SLC35E2B: variants seen among roughly 807,000 people sequenced by gnomAD.
SLC35E2B encodes the protein solute carrier family 35 member E2B.
SLC35E2B carries 18 observed loss-of-function variants against 32.4 expected under a neutral mutation model. That is an observed-to-expected ratio of 0.56 (90% CI 0.38 to 0.82). The LOEUF is 0.82. Ranked by LOEUF, SLC35E2B falls within the 40% of genes least tolerant of loss-of-function variation. The pLI is 0.00. For synonymous variants in SLC35E2B, 132 were observed against 209.1 expected, an observed-to-expected ratio of 0.63 and a Z score of 3.18; for missense variants, 263 against 469.5, an observed-to-expected ratio of 0.56 and a Z score of 4.06.
chr1:1,679,576 C>T (rs1643882047), intron 2 of SLC35E2B, among the ~76,000 whole-genome samples: 1 of 152,084 alleles, frequency 6.6e-6, no homozygotes, highest in East Asian at 1.9e-4. Flanking sequence ...CCTGGAATCC[C>T]AGCACTTTGG....
chr1:1,688,822 C>G (rs1168782341), intron 2 of SLC35E2B, among the ~76,000 whole-genome samples: 1 of 152,090 alleles, frequency 6.6e-6, no homozygotes, highest in Non-Finnish European at 1.5e-5. Flanking sequence ...ATGAGGACTT[C>G]TAGTTCAGTC....
In SLC35E2B at chr1:1,666,027, G is replaced by A. The variant is rs977976670; in HGVS notation, c.981-8C>T. The A allele has an allele frequency of 6.5e-7, 1 of 1,548,076 alleles. No individual in the cohort carries two copies. The highest frequency in any genetic ancestry group is 1.4e-5 in the African/African-American group (1 of 73,004). The stretch of plus-strand genomic sequence containing the variant: ...TTCACGGTGCTGGCGACGCTGCGGA[G>A]GCAAGGGGAGGCAGCAGGGGCGCTC... On this transcript the variant is annotated splice_polypyrimidine_tract_variant and splice_region_variant and intron_variant, in intron 9 of 9. Transcript: ENST00000617444.
rs141288956 is a variant in SLC35E2B at position 1,677,988 on chromosome 1, A to C, written c.-147-1142T>G. On this transcript the variant is annotated intron_variant, in intron 2 of 9. Coordinates refer to ENST00000617444, the MANE Select transcript of SLC35E2B (RefSeq NM_001290264.2). ...CCCACCTCCCCCAGGTCTCAATCCCAGCGCTCAGGCAGCCCGATTTCCTGT... is the reference window on the plus strand; with the variant it reads ...CCCACCTCCCCCAGGTCTCAATCCCCGCGCTCAGGCAGCCCGATTTCCTGT... Among the ~76,000 whole-genome samples, 43 of 149,622 alleles carry C rather than the reference A, an allele frequency of 2.9e-4. No homozygotes were observed. The East Asian group carries it at 7.1e-3, about 25-fold the overall frequency.
At chr1:1,671,268 AACCGTGTCTCCATGG>A in intron 6 of SLC35E2B, 1 of 360,136 alleles carries the variant, frequency 2.8e-6, no homozygotes, top group Non-Finnish European at 5.0e-6. Context: ...TTTGTCAGCT[AACCGTGTCTCCATGG>A]TTAGCATTTT....
rs1326469516 is a variant in SLC35E2B, at chr1:1,663,320, C to T, written c.*2462G>A. ...CTGGAAATTCCAAGGTGCTCAGAAC[C>T]AGGCGCCTGCACCTCTCCTTATGCC... is the stretch of plus-strand genomic sequence containing the variant. On this transcript the variant is annotated 3_prime_UTR_variant, in exon 10 of 10. Transcript: ENST00000617444. The T allele has an allele frequency of 1.0e-6, 1 of 980,618 alleles. No individual in the cohort carries two copies. The highest frequency in any genetic ancestry group is 4.7e-5 in the South Asian group (1 of 21,130). 60.7% of individuals were successfully genotyped at this position (980,618 alleles called of 1,614,324 possible). A position where few individuals can be genotyped will look rare whatever the true frequency, so the allele number is the denominator to read the frequency against.
chr1:1,677,676 C>T (rs1643865513), intron 2 of SLC35E2B, among the ~76,000 whole-genome samples: 2 of 151,060 alleles, frequency 1.3e-5, no homozygotes, highest in Admixed American at 6.6e-5. Context: ...TTAGTAGAGA[C>T]GGGTTTTCAC....
At chr1:1,669,576 G>A (rs72634825) in intron 8 of SLC35E2B, 88 bp downstream of exon 8, 310,668 of 1,360,980 alleles carry the variant, frequency 0.23, 38,380 homozygotes, top group Non-Finnish European at 0.26. Flanking sequence ...GCCAGCACAC[G>A]GCCTGGAAAC....
In SLC35E2B at chr1:1,665,539, A is replaced by C; in HGVS notation, c.*243T>G. ...GCCTCAGAGGCTGTTTTCACATTAC[A>C]CGGGGATGGGCTCGGCGGACACAGT... On this transcript the variant is annotated 3_prime_UTR_variant, in exon 10 of 10. Transcript: ENST00000617444. 1.6e-6 allele frequency: 1 copy of C among 628,286 alleles called. No homozygotes were observed. The highest frequency in any genetic ancestry group is 2.7e-6 in the Non-Finnish European group (1 of 369,244). The allele number at this position is 628,286 out of a possible 1,614,324, so 38.9% of individuals were successfully genotyped here.
rs1486825164 is a variant in SLC35E2B at position 1,675,472 on chromosome 1, C to G, written c.577G>C (p.Glu193Gln). 6.2e-7 allele frequency: 1 copy of G among 1,610,818 alleles called. No individual in the cohort carries two copies. Among genetic ancestry groups the G allele is most frequent in the Non-Finnish European group, 8.5e-7 (1 of 1,178,970 alleles). ...TVIMSRMILGEYTGLLVNLSL... is the reference protein window; with the variant it reads ...TVIMSRMILGQYTGLLVNLSL... ...GGCCCGGGGGCCTCACCTGTGTACT[C>G]CCCCAGAATCATCCGAGACATGATC... The change falls in exon 5 of 10, where the codon GAG becomes CAG. Residue 193 changes from glutamate to glutamine, a missense_variant. Coordinates refer to ENST00000617444, the MANE Select transcript of SLC35E2B (RefSeq NM_001290264.2).
intron 5 of SLC35E2B, chr1:1,671,876 C>T: frequency 3.0e-6 from 1 of 335,024 alleles, no homozygotes; most frequent in Non-Finnish European, 5.5e-6. Flanking sequence ...AGAGACTGAG[C>T]CCCAGCCATG....
rs1643491768 is a variant in SLC35E2B, at chr1:1,664,530, GT to G, written c.*1251del. ...GAATCCGCCAGCTGCGAGATTGGGGGTAAAGAGCTCAGACATGGTCAGAAGC... is the reference window on the plus strand; with the variant it reads ...GAATCCGCCAGCTGCGAGATTGGGGGAAAGAGCTCAGACATGGTCAGAAGC... On this transcript the variant is annotated 3_prime_UTR_variant, in exon 10 of 10. Transcript: ENST00000617444. 1 of 914,492 alleles carries G rather than the reference GT, an allele frequency of 1.1e-6. No homozygotes were observed. The highest frequency in any genetic ancestry group is 1.8e-5 in the African/African-American group (1 of 54,512). 56.6% of individuals were successfully genotyped at this position (914,492 alleles called of 1,614,324 possible). A position where few individuals can be genotyped will look rare whatever the true frequency, so the allele number is the denominator to read the frequency against.
intron 2 of SLC35E2B, among the ~76,000 whole-genome samples, chr1:1,685,429 A>G (rs1286708300): frequency 2.0e-5 from 3 of 151,286 alleles, no homozygotes; most frequent in African/African-American, 4.9e-5. Flanking sequence ...AAAAAAAAAA[A>G]AAAGAAAAGG....
chr1:1,679,209 C>T (rs531434461), intron 2 of SLC35E2B, among the ~76,000 whole-genome samples: 20 of 152,330 alleles, frequency 1.3e-4, no homozygotes, highest in South Asian at 4.1e-4. Context: ...AGGAACAGCA[C>T]GTGGGCTCGG....
At chr1:1,685,576 A>G (rs1455401342) in intron 2 of SLC35E2B, among the ~76,000 whole-genome samples, 1 of 152,068 alleles carries the variant, frequency 6.6e-6, no homozygotes, top group Non-Finnish European at 1.5e-5. Flanking sequence ...GCTTGCTTAA[A>G]AAGCAAAAAT....
At chr1:1,681,984 GTC>G (rs1258265532) in intron 2 of SLC35E2B, among the ~76,000 whole-genome samples, 2 of 74,162 alleles carry the variant, frequency 2.7e-5, no homozygotes, top group Non-Finnish European at 4.9e-5. Context: ...GCAACACTCT[GTC>G]TCAAAAAAAA....
At chr1:1,684,729 G>A (rs1280418395) in intron 2 of SLC35E2B, among the ~76,000 whole-genome samples, 2 of 147,188 alleles carry the variant, frequency 1.4e-5, no homozygotes, top group African/African-American at 5.1e-5. Flanking sequence ...GACAGAGCTT[G>A]CAGTGAGCCG....
chr1:1,662,432 G>C lies in SLC35E2B; in HGVS notation c.*3350C>G, dbSNP rs1159845277. On this transcript the variant is annotated 3_prime_UTR_variant, in exon 10 of 10. Transcript: ENST00000617444. ...CTGACCCGTCTGAGTGATCACCCAG[G>C]AGCGCGGCGGCAGCAAGCAGAGCTC... is the stretch of plus-strand genomic sequence containing the variant. 2.4e-6 allele frequency: 2 copies of C among 845,720 alleles called. No individual in the cohort carries two copies. Among genetic ancestry groups the C allele is most frequent in the Admixed American group, 1.3e-4 (2 of 15,024 alleles). 52.4% of individuals were successfully genotyped at this position (845,720 alleles called of 1,614,324 possible). A position where few individuals can be genotyped will look rare whatever the true frequency, so the allele number is the denominator to read the frequency against.
intron 9 of SLC35E2B, 117 bp downstream of exon 9, chr1:1,668,210 C>T: frequency 2.1e-6 from 3 of 1,459,984 alleles, no homozygotes; most frequent in Non-Finnish European, 2.8e-6. Context: ...CACTGCATAG[C>T]CACACTCATC....
rs1643505885 is a variant in SLC35E2B, at chr1:1,665,051, G to A, written c.*731C>T. 6.0e-6 allele frequency: 5 copies of A among 833,406 alleles called. No individual in the cohort carries two copies. Among genetic ancestry groups the A allele is most frequent in the African/African-American group, 1.8e-5 (1 of 54,134 alleles). The allele number at this position is 833,406 out of a possible 1,614,324, so 51.6% of individuals were successfully genotyped here. On this transcript the variant is annotated 3_prime_UTR_variant, in exon 10 of 10. Coordinates refer to ENST00000617444, the MANE Select transcript of SLC35E2B (RefSeq NM_001290264.2). ...GGAGGGCAGGGTGCCCTGGGGTTGC[G>A]GGGAGCTCACGCAGCCCAGGGTGTG...
Sources: gnomAD v4.1 joint callset for allele counts (sites outside exome capture counted in the v4.1 genomes callset) on GRCh38, gnomAD v4.1.1 for gene constraint, MANE v1.5 for transcripts, NCBI Gene and HGNC (gene_info 2026-07-23, HGNC 2026-07-21) for gene names.